The following BLVRB variants were observed in gnomAD, a reference collection of about 807,000 sequenced individuals.
BLVRB encodes biliverdin reductase B.
Under a neutral mutation model 21.1 loss-of-function variants are expected in BLVRB, and 25 were observed. That is an observed-to-expected ratio of 1.19 (90% confidence interval 0.86 to 1.66). BLVRB has a LOEUF of 1.66. BLVRB is among the 40% of genes most tolerant of loss of function. The probability of loss-of-function intolerance (pLI) is 0.00; values close to 1 mark genes in which losing one functional copy is unlikely to be tolerated. For missense variants in BLVRB, 274 were observed against 282.7 expected (o/e 0.97, Z 0.22); for synonymous variants, 128 against 122.2 (o/e 1.05, Z -0.31).
Position 40,462,870 on chromosome 19 carries a change from C to CGGCA in BLVRB, c.79+2736_79+2739dup, listed in dbSNP as rs1247385087. ...TTGTGCCACTGCACTCCAGCCTGGG[C>CGGCA]GGCAGAGTGAGACTCTTGTCTCAAA... On this transcript the variant is annotated intron_variant, in intron 1 of 4. Transcript: ENST00000263368. Among the ~76,000 whole-genome samples, 27 of 109,036 alleles carry CGGCA rather than the reference C, an allele frequency of 2.5e-4. No homozygotes were observed. The Admixed American group carries it at 3.7e-3, about 15-fold the overall frequency. 71.5% of individuals were successfully genotyped at this position (109,036 alleles called of 152,430 possible).
At chr19:40,453,853 T>G (rs2079750887) in intron 3 of BLVRB, among the ~76,000 whole-genome samples, 1 of 152,060 alleles carries the variant, frequency 6.6e-6, no homozygotes, top group Non-Finnish European at 1.5e-5. Context: ...TAGCCAGGCG[T>G]GGGGACCTGT....
chr19:40,458,191 C>G lies in BLVRB; in HGVS notation c.298G>C (p.Ala100Pro), dbSNP rs761772907. 1.4e-5 allele frequency: 23 copies of G among 1,613,936 alleles called. No homozygotes were observed. Among genetic ancestry groups the G allele is most frequent in the Non-Finnish European group, 1.9e-5 (22 of 1,180,006 alleles). ...GCCACGACCTTGTCCACACCATGAG[C>G]CTTCATGGCTGCCACAATGTTCCGG... ...GARNIVAAMK[A>P]HGVDKVVACT... is the part of the protein sequence containing the mutation. Residue 100 changes from alanine to proline, a missense_variant, in exon 3 of 5, where the codon GCT (alanine) becomes CCT (proline). Physicochemically the swap from Ala to Pro is conservative, Grantham distance 27. Transcript: ENST00000263368.
intron 1 of BLVRB, among the ~76,000 whole-genome samples, chr19:40,461,515 T>C (rs1022199037): frequency 3.1e-5 from 4 of 131,024 alleles, no homozygotes; most frequent in Admixed American, 7.4e-5. Flanking sequence ...TTTTTTTTTT[T>C]CTGAGACGGA....
rs117839078 is a variant in BLVRB at position 40,449,042 on chromosome 19, C to T, written c.464-996G>A. On this transcript the variant is annotated intron_variant, in intron 4 of 4. Transcript: ENST00000263368. Reference sequence around the variant, plus strand: ...GCAGTGAGCCAAGATTGTGCCATTGCGCTCCAGCCTGGGCTACAGAGGGAG... The same window carrying T: ...GCAGTGAGCCAAGATTGTGCCATTGTGCTCCAGCCTGGGCTACAGAGGGAG... Among the ~76,000 whole-genome samples the T allele has an allele frequency of 7.3e-3, 1,104 of 151,404 alleles. 11 individuals are homozygous for T. Among genetic ancestry groups the T allele is most frequent in the Admixed American group, 0.018 (268 of 15,212 alleles).
Position 40,458,219 on chromosome 19 carries a change from G to A in BLVRB, c.270C>T (p.Gly90=), listed in dbSNP as rs898374223. The part of the protein sequence containing the change: ...DLSPTTVMSE[G]ARNIVAAMKA... ...TCATGGCTGCCACAATGTTCCGGGCGCCCTCGGACATCACTGTCGTGGGAC... is the reference window on the plus strand; with the variant it reads ...TCATGGCTGCCACAATGTTCCGGGCACCCTCGGACATCACTGTCGTGGGAC... Residue 90 remains glycine, a synonymous_variant, in exon 3 of 5, where the codon GGC becomes GGT. Transcript: ENST00000263368. 3.2e-5 allele frequency: 51 copies of A among 1,611,480 alleles called. No homozygotes were observed. Among genetic ancestry groups the A allele is most frequent in the South Asian group, 5.5e-5 (5 of 90,950 alleles).
At chr19:40,449,327 C>A (rs2079728779) in intron 4 of BLVRB, among the ~76,000 whole-genome samples, 1 of 151,876 alleles carries the variant, frequency 6.6e-6, no homozygotes, top group South Asian at 2.1e-4. Context: ...CTCACTGCAA[C>A]CTCCACCTCC....
intron 1 of BLVRB, among the ~76,000 whole-genome samples, chr19:40,460,251 T>C (rs1196261009): frequency 3.7e-5 from 2 of 53,570 alleles, no homozygotes; most frequent in Non-Finnish European, 7.6e-5. Context: ...TAGCAACATA[T>C]ATATATATAT....
chr19:40,461,840 C>T (rs1399988527), intron 1 of BLVRB, among the ~76,000 whole-genome samples: 1 of 152,140 alleles, frequency 6.6e-6, no homozygotes, highest in Non-Finnish European at 1.5e-5. Context: ...CATGGTGCTG[C>T]TTCCTGCCTC....
chr19:40,459,979 G>A (rs1317834123), intron 1 of BLVRB, among the ~76,000 whole-genome samples: 1 of 152,088 alleles, frequency 6.6e-6, no homozygotes, highest in Non-Finnish European at 1.5e-5. Flanking sequence ...GGGGACATGG[G>A]TTGCCTACAG....
chr19:40,458,606 C>T, intron 1 of BLVRB, 61 bp from the exon 2 acceptor site: 1 of 1,501,038 alleles, frequency 6.7e-7, no homozygotes, highest in East Asian at 2.4e-5. Context: ...GCTCCAGGAG[C>T]TGGGTCCTAG....
chr19:40,458,312 CCGGGGG>C, intron 2 of BLVRB, 63 bp downstream of exon 2: 1 of 1,466,482 alleles, frequency 6.8e-7, no homozygotes, highest in Non-Finnish European at 9.2e-7. Context: ...AGGGGCGGGG[CCGGGGG>C]CGGGGGTGGC....
intron 1 of BLVRB, among the ~76,000 whole-genome samples, chr19:40,465,383 C>T (rs2079807235): frequency 6.6e-6 from 1 of 152,216 alleles, no homozygotes; most frequent in Admixed American, 6.6e-5. Flanking sequence ...GTGGAGTCCT[C>T]CCGGGGCTCC....
intron 1 of BLVRB, among the ~76,000 whole-genome samples, chr19:40,465,071 A>G (rs45528434): frequency 6.6e-6 from 1 of 151,966 alleles, no homozygotes; most frequent in South Asian, 2.1e-4. Context: ...TGACCCCCCA[A>G]CTTTTTCAGT....
intron 3 of BLVRB, among the ~76,000 whole-genome samples, chr19:40,451,766 C>A (rs1226233546): frequency 6.6e-6 from 1 of 152,090 alleles, no homozygotes; most frequent in Admixed American, 6.6e-5. Context: ...CTCCTGACCT[C>A]AGGTGATCCA....
chr19:40,462,736 A>G (rs1281315710), intron 1 of BLVRB, among the ~76,000 whole-genome samples: 3 of 149,814 alleles, frequency 2.0e-5, no homozygotes, highest in Non-Finnish European at 4.5e-5. Flanking sequence ...CTAAAAATAC[A>G]AAAAAAATTA....
intron 4 of BLVRB, among the ~76,000 whole-genome samples, chr19:40,448,564 C>T (rs146393069): frequency 2.3e-4 from 34 of 148,810 alleles, no homozygotes; most frequent in South Asian, 4.2e-4. Context: ...GCACTCCAGC[C>T]GGGACGACAG....
At chr19:40,458,038 G>A in intron 3 of BLVRB, 117 bp downstream of exon 3, 1 of 998,892 alleles carries the variant, frequency 1.0e-6, no homozygotes, top group Non-Finnish European at 1.5e-6. Context: ...GCACACAGCT[G>A]GTGTTCAGTA....
chr19:40,458,113 T>G, intron 3 of BLVRB, 42 bp downstream of exon 3: 1 of 1,587,528 alleles, frequency 6.3e-7, no homozygotes, highest in Middle Eastern at 1.7e-4. Flanking sequence ...GCCTCCCCAG[T>G]ACCCCCCAGT....
chr19:40,448,137 T>A (rs1275775971), intron 4 of BLVRB, 91 bp from the exon 5 acceptor site: 2 of 1,412,008 alleles, frequency 1.4e-6, no homozygotes, highest in Non-Finnish European at 1.9e-6. Flanking sequence ...CCAGGGTGCC[T>A]ACTGTGTGTC....
Sources: allele counts gnomAD v4.1 joint callset (sites outside exome capture counted in the v4.1 genomes callset), GRCh38; gene constraint gnomAD v4.1.1; transcripts MANE v1.5; gene names NCBI Gene and HGNC (gene_info 2026-07-23, HGNC 2026-07-21).